CTNNA3: variants seen among roughly 807,000 people sequenced by gnomAD.
The protein encoded by CTNNA3 is catenin alpha 3.
In CTNNA3, 76 loss-of-function variants were observed where a neutral mutation model predicts 95.7. The ratio of observed to expected loss-of-function variants is 0.79; its 90% confidence interval spans 0.66 to 0.96. The LOEUF (loss-of-function observed/expected upper bound fraction) is 0.96. Ranked by LOEUF, CTNNA3 falls within the 40% of genes least tolerant of loss-of-function variation. CTNNA3 has a pLI of 0.00. For synonymous variants in CTNNA3, 431 were observed against 374.4 expected (o/e 1.15, Z -1.74); for missense variants, 1,191 against 1,089.8 (o/e 1.09, Z -1.31).
intron 9 of CTNNA3, among the ~76,000 whole-genome samples, chr10:66,661,319 G>A (rs1288057419): frequency 1.3e-5 from 2 of 152,060 alleles, no homozygotes; most frequent in Non-Finnish European, 2.9e-5. Context: ...TTAAATGGTG[G>A]TGGCAAGAGA....
intron 4 of CTNNA3, among the ~76,000 whole-genome samples, chr10:67,533,595 C>T (rs1393823441): frequency 6.6e-6 from 1 of 152,146 alleles, no homozygotes; most frequent in Non-Finnish European, 1.5e-5. Context: ...CAAAAGAACA[C>T]ACACATTTCC....
At chr10:67,558,135 T>A (rs1841325347) in intron 3 of CTNNA3, among the ~76,000 whole-genome samples, 2 of 152,164 alleles carry the variant, frequency 1.3e-5, no homozygotes, top group African/African-American at 2.4e-5. Context: ...TCCTTACAAG[T>A]CTCACAGGTA....
At chr10:67,701,279 A>AG (rs757195126) in intron 1 of CTNNA3, among the ~76,000 whole-genome samples, 3 of 152,224 alleles carry the variant, frequency 2.0e-5, no homozygotes, top group Non-Finnish European at 4.4e-5. Flanking sequence ...AGAGAATGTC[A>AG]CAAAGATACT....
intron 1 of CTNNA3, among the ~76,000 whole-genome samples, chr10:67,760,298 GC>G (rs1841455632): frequency 1.3e-5 from 2 of 151,958 alleles, no homozygotes; most frequent in South Asian, 4.2e-4. Flanking sequence ...CCTACTGGAG[GC>G]ATTGTCTACT....
chr10:67,059,120 T>C (rs1855609830), intron 7 of CTNNA3, among the ~76,000 whole-genome samples: 1 of 152,160 alleles, frequency 6.6e-6, no homozygotes, highest in Admixed American at 6.5e-5. Context: ...TAGTCATAAT[T>C]ATCTTGGTCT....
At chr10:66,270,702 T>C (rs1279047373) in intron 13 of CTNNA3, among the ~76,000 whole-genome samples, 1 of 152,178 alleles carries the variant, frequency 6.6e-6, no homozygotes, top group Non-Finnish European at 1.5e-5. Flanking sequence ...TGTGGCTCTA[T>C]ATAGGATCTG....
intron 10 of CTNNA3, among the ~76,000 whole-genome samples, chr10:66,548,049 G>A (rs910232912): frequency 6.6e-6 from 1 of 151,874 alleles, no homozygotes; most frequent in Non-Finnish European, 1.5e-5. Flanking sequence ...CCCAGTAGTT[G>A]GGATTACAGG....
chr10:66,238,698 AAT>A (rs1235936966), intron 13 of CTNNA3, among the ~76,000 whole-genome samples: 1 of 133,648 alleles, frequency 7.5e-6, no homozygotes, highest in African/African-American at 2.7e-5. Flanking sequence ...ATATATATAT[AAT>A]TTTTTTCAAA....
chr10:67,053,460 G>T (rs902517093), intron 7 of CTNNA3, among the ~76,000 whole-genome samples: 9 of 152,256 alleles, frequency 5.9e-5, no homozygotes. Flanking sequence ...AAGAATTTTA[G>T]ATTATATTTG....
At chr10:67,316,202 ATCCCATTT>A in intron 5 of CTNNA3, among the ~76,000 whole-genome samples, 1 of 152,258 alleles carries the variant, frequency 6.6e-6, no homozygotes, top group East Asian at 1.9e-4. Flanking sequence ...GTATACTGTG[ATCCCATTT>A]TCCTAAAATT....
intron 3 of CTNNA3, among the ~76,000 whole-genome samples, chr10:67,546,192 G>A (rs1840838911): frequency 6.6e-6 from 1 of 151,894 alleles, no homozygotes; most frequent in South Asian, 2.1e-4. Flanking sequence ...GGAGTACAGG[G>A]GTAATCTTAG....
intron 2 of CTNNA3, among the ~76,000 whole-genome samples, chr10:67,644,303 C>T (rs1193951856): frequency 6.6e-6 from 1 of 151,910 alleles, no homozygotes; most frequent in Non-Finnish European, 1.5e-5. Flanking sequence ...AGCTTTTTTT[C>T]ATATGTTTGT....
Position 66,138,146 on chromosome 10 carries a change from A to G in CTNNA3, c.1885-34897T>C, listed in dbSNP as rs1468679677. Among the ~76,000 whole-genome samples the G allele has an allele frequency of 2.0e-5, 3 of 152,170 alleles. No homozygotes were observed. The East Asian group carries it at 5.8e-4, about 29-fold the overall frequency. On this transcript the variant is annotated intron_variant, in intron 13 of 17. Transcript: ENST00000433211. ...AAGAAATAATAATAAACCCAAATATATGTATATATGTATGCATTAAATTTA... is the reference window on the plus strand; with the variant it reads ...AAGAAATAATAATAAACCCAAATATGTGTATATATGTATGCATTAAATTTA...
At chr10:66,206,571 G>C (rs2087768003) in intron 13 of CTNNA3, among the ~76,000 whole-genome samples, 1 of 151,828 alleles carries the variant, frequency 6.6e-6, no homozygotes, top group African/African-American at 2.4e-5. Flanking sequence ...AAGAACACAA[G>C]GGAATGAAAT....
chr10:65,947,934 T>C (rs1244795268), intron 17 of CTNNA3, among the ~76,000 whole-genome samples: 1 of 152,104 alleles, frequency 6.6e-6, no homozygotes, highest in African/African-American at 2.4e-5. Flanking sequence ...TAAGTGAGGG[T>C]CCTAAAACTT....
intron 9 of CTNNA3, among the ~76,000 whole-genome samples, chr10:66,687,819 T>G (rs1433523582): frequency 2.0e-5 from 3 of 152,076 alleles, no homozygotes; most frequent in Admixed American, 6.6e-5. Context: ...AGACTCTATA[T>G]TCTAATGAAA....
chr10:66,520,670 AG>A lies in CTNNA3; in HGVS notation c.1477del (p.Leu493SerfsTer5). 1 of 1,611,336 alleles carries A rather than the reference AG, an allele frequency of 6.2e-7. No individual in the cohort carries two copies. Among genetic ancestry groups the A allele is most frequent in the South Asian group, 1.1e-5 (1 of 90,744 alleles). On this transcript the variant is annotated frameshift_variant, in exon 11 of 18. Coordinates refer to ENST00000433211, the MANE Select transcript of CTNNA3 (RefSeq NM_013266.4). LOFTEE classifies it high-confidence loss of function. ...TGTAATGTCATCTACGGCTTCAGTG[AG>A]GACATGTATATGATTCTCCCATGTA... is the stretch of plus-strand genomic sequence containing the variant. The part of the protein sequence containing the change: ...KRTWENHIHV[L>X]TEAVDDITSI...
chr10:67,707,501 A>G (rs1325895748), intron 1 of CTNNA3, among the ~76,000 whole-genome samples: 3 of 152,028 alleles, frequency 2.0e-5, no homozygotes, highest in Non-Finnish European at 2.9e-5. Context: ...TTCATCTTTG[A>G]TATCATCCTT....
intron 6 of CTNNA3, among the ~76,000 whole-genome samples, chr10:67,218,218 G>A (rs909122814): frequency 2.0e-5 from 3 of 151,994 alleles, no homozygotes; most frequent in Non-Finnish European, 4.4e-5. Context: ...TATCACACTC[G>A]GCACTCCCCA....
Sources: gnomAD v4.1 joint callset for allele counts (sites outside exome capture counted in the v4.1 genomes callset) on GRCh38, gnomAD v4.1.1 for gene constraint, MANE v1.5 for transcripts, NCBI Gene and HGNC (gene_info 2026-07-23, HGNC 2026-07-21) for gene names.